The following SLC24A2 variants were observed in gnomAD, a reference collection of about 807,000 sequenced individuals.
SLC24A2 encodes the protein solute carrier family 24 member 2, also known as sodium/potassium/calcium exchanger 2.
Under a neutral mutation model 62.0 loss-of-function variants are expected in SLC24A2, and 36 were observed. That is an observed-to-expected ratio of 0.58 (90% CI 0.44 to 0.77). The LOEUF is 0.77. Among genes scored for constraint, SLC24A2 ranks in the 30% least tolerant of loss-of-function variants. The pLI is 0.00. For synonymous variants in SLC24A2, 358 were observed against 294.0 expected, an observed-to-expected ratio of 1.22 and a Z score of -2.23; for missense variants, 846 against 817.9, an observed-to-expected ratio of 1.03 and a Z score of -0.42.
At chr9:20,231,810 G>T in the SLC24A2 span, among the ~76,000 whole-genome samples, 4 of 103,980 alleles carry the variant, frequency 3.8e-5, no homozygotes, top group African/African-American at 2.4e-4. Flanking sequence ...CCTGTCTTGT[G>T]CCCGTTTTCA....
rs1554665705 is a variant in SLC24A2, at chr9:19,513,169, T to TATATAC, written c.*2983_*2984insGTATAT. 2 of 59,890 alleles carry TATATAC rather than the reference T, an allele frequency of 3.3e-5. No homozygotes were observed. The highest frequency in any genetic ancestry group is 5.4e-4 in the South Asian group (1 of 1,850). The allele number at this position is 59,890 out of a possible 1,614,324, so 3.7% of individuals were successfully genotyped here. On this transcript the variant is annotated 3_prime_UTR_variant, in exon 11 of 11. Coordinates refer to ENST00000341998, the MANE Select transcript of SLC24A2 (RefSeq NM_020344.4). ...TGGTATAAAGATATATATATATATA[T>TATATAC]ATATATGTATATATATATATATGTA... is the stretch of plus-strand genomic sequence containing the variant.
the SLC24A2 span, among the ~76,000 whole-genome samples, chr9:20,222,065 T>C: frequency 4.0e-3 from 611 of 152,102 alleles, 5 homozygotes; most frequent in African/African-American, 0.014. Context: ...GCATTGCTCA[T>C]TGGTAGTAAA....
chr9:19,870,579 T>C, the SLC24A2 span, among the ~76,000 whole-genome samples: 3 of 152,168 alleles, frequency 2.0e-5, no homozygotes, highest in Admixed American at 6.5e-5. Context: ...TTTAGAGAAC[T>C]GTCACACTGT....
intron 8 of SLC24A2, among the ~76,000 whole-genome samples, chr9:19,529,098 T>G (rs1563935142): frequency 1.3e-5 from 2 of 152,230 alleles, no homozygotes; most frequent in Non-Finnish European, 2.9e-5. Flanking sequence ...AGCACAATGC[T>G]GTCAGAGAGC....
chr9:19,693,199 A>G (rs1299543294), intron 2 of SLC24A2, among the ~76,000 whole-genome samples: 1 of 152,130 alleles, frequency 6.6e-6, no homozygotes, highest in East Asian at 1.9e-4. Flanking sequence ...GCATATACCC[A>G]AAGGATTATA....
intron 2 of SLC24A2, chr9:19,705,389 T>C (rs2118555444): frequency 6.2e-6 from 1 of 161,822 alleles, no homozygotes. Flanking sequence ...CTGGGAGTGG[T>C]GTCTGAGGTA....
At chr9:19,854,241 C>CA in the SLC24A2 span, among the ~76,000 whole-genome samples, 1 of 151,744 alleles carries the variant, frequency 6.6e-6, no homozygotes, top group African/African-American at 2.4e-5. Flanking sequence ...TTAATTTTTT[C>CA]AAAAAACAGG....
At chr9:20,300,884 G>A in the SLC24A2 span, among the ~76,000 whole-genome samples, 3 of 152,300 alleles carry the variant, frequency 2.0e-5, no homozygotes, top group African/African-American at 4.8e-5. Flanking sequence ...ATTAAAAGCA[G>A]GGACATTTGC....
At chr9:19,546,384 C>G (rs1280664836) in intron 8 of SLC24A2, among the ~76,000 whole-genome samples, 1 of 152,044 alleles carries the variant, frequency 6.6e-6, no homozygotes, top group South Asian at 2.1e-4. Context: ...GATGCCCTTG[C>G]CAGAGAGGAG....
intron 7 of SLC24A2, among the ~76,000 whole-genome samples, chr9:19,557,893 A>C (rs529086282): frequency 5.8e-4 from 87 of 150,238 alleles, no homozygotes; most frequent in African/African-American, 2.1e-3. Flanking sequence ...ATCTCAGCTC[A>C]CTGTAGCCTC....
chr9:19,544,012 C>G lies in SLC24A2; in HGVS notation c.1479+6125G>C, dbSNP rs139158368. On this transcript the variant is annotated intron_variant, in intron 8 of 10. Transcript: ENST00000341998. The stretch of plus-strand genomic sequence containing the variant: ...CTAATTTTCTGTCTCATTGATGTGT[C>G]TAATATTGACAGTGGGGTATTAAAT... 7.2e-5 allele frequency among the ~76,000 whole-genome samples: 11 copies of G among 152,154 alleles called. No individual in the cohort carries two copies. The East Asian group carries it at 2.1e-3, about 29-fold the overall frequency.
intron 8 of SLC24A2, among the ~76,000 whole-genome samples, chr9:19,529,652 GAC>G: frequency 6.6e-6 from 1 of 151,660 alleles, no homozygotes; most frequent in East Asian, 1.9e-4. Context: ...AAATATTTTG[GAC>G]AAGGACTCAG....
chr9:20,274,655 G>C, the SLC24A2 span, among the ~76,000 whole-genome samples: 1 of 152,166 alleles, frequency 6.6e-6, no homozygotes, highest in African/African-American at 2.4e-5. Flanking sequence ...GAACACTGCA[G>C]CTCTGGGAGG....
At chr9:19,718,458 ATTTTTTT>A (rs58736549) in intron 2 of SLC24A2, among the ~76,000 whole-genome samples, 52,815 of 100,706 alleles carry the variant, frequency 0.52, 12,175 homozygotes, top group East Asian at 0.7. Flanking sequence ...ATGCCTGGCT[ATTTTTTT>A]TTTTTTTTTT....
intron 7 of SLC24A2, among the ~76,000 whole-genome samples, chr9:19,560,657 T>G (rs1279702370): frequency 6.6e-6 from 1 of 152,170 alleles, no homozygotes; most frequent in Non-Finnish European, 1.5e-5. Context: ...AGCCACCAAG[T>G]CTCTGGTATT....
intron 8 of SLC24A2, among the ~76,000 whole-genome samples, chr9:19,529,977 T>C (rs1833623828): frequency 6.6e-6 from 1 of 151,668 alleles, no homozygotes; most frequent in Admixed American, 6.6e-5. Flanking sequence ...GGTTTCAAAA[T>C]CCTGACCTCA....
At chr9:20,160,766 G>A in the SLC24A2 span, among the ~76,000 whole-genome samples, 1 of 150,786 alleles carries the variant, frequency 6.6e-6, no homozygotes, top group African/African-American at 2.4e-5. Context: ...TAACAGGTAA[G>A]AGGAAAAGTC....
chr9:20,012,275 A>G, the SLC24A2 span, among the ~76,000 whole-genome samples: 1 of 152,192 alleles, frequency 6.6e-6, no homozygotes, highest in Non-Finnish European at 1.5e-5. Context: ...CAGAAGGTGA[A>G]AGACACATCT....
the SLC24A2 span, among the ~76,000 whole-genome samples, chr9:20,069,218 T>A: frequency 6.6e-6 from 1 of 152,216 alleles, no homozygotes; most frequent in Admixed American, 6.5e-5. Context: ...CTGAACTTAG[T>A]AAGGGATGCT....
Sources: allele counts gnomAD v4.1 joint callset (sites outside exome capture counted in the v4.1 genomes callset), GRCh38; gene constraint gnomAD v4.1.1; transcripts MANE v1.5; gene names NCBI Gene and HGNC (gene_info 2026-07-23, HGNC 2026-07-21).